Variants in PCDHA12 observed in about 807,000 individuals in gnomAD.
PCDHA12 encodes the protein protocadherin alpha 12.
In PCDHA12, 44 loss-of-function variants were observed where a neutral mutation model predicts 60.0. That is an observed-to-expected ratio of 0.73 (90% CI 0.58 to 0.94). PCDHA12 has a LOEUF of 0.94. PCDHA12 is among the 40% of genes least tolerant of loss of function. The pLI is 0.00. For missense variants in PCDHA12, 1,276 were observed against 1,239.7 expected (o/e 1.03, Z -0.44); for synonymous variants, 569 against 553.0 (o/e 1.03, Z -0.40).
intron 1 of PCDHA12, chr5:140,969,185 A>G (rs782632936): frequency 1.9e-6 from 3 of 1,613,974 alleles, no homozygotes; most frequent in South Asian, 1.1e-5. Context: ...TGACACTTTC[A>G]TGTTTTACAA....
At chr5:140,917,301 G>T (rs2078005324) in intron 1 of PCDHA12, among the ~76,000 whole-genome samples, 1 of 138,576 alleles carries the variant, frequency 7.2e-6, no homozygotes, top group Non-Finnish European at 1.5e-5. Flanking sequence ...GCAGATAGTT[G>T]TTACAATTTG....
intron 3 of PCDHA12, among the ~76,000 whole-genome samples, chr5:140,992,085 TAGAGAA>T (rs1253503619): frequency 1.4e-5 from 2 of 146,836 alleles, no homozygotes; most frequent in Non-Finnish European, 3.0e-5. Flanking sequence ...TGAGCTAGAG[TAGAGAA>T]AGAGAATTAA....
chr5:141,000,112 C>T (rs1404445521), intron 3 of PCDHA12, among the ~76,000 whole-genome samples: 1 of 152,128 alleles, frequency 6.6e-6, no homozygotes. Flanking sequence ...CGTCTCTTCC[C>T]TCATCCCCAA....
At chr5:140,907,534 T>G (rs2073435289) in intron 1 of PCDHA12, among the ~76,000 whole-genome samples, 1 of 152,204 alleles carries the variant, frequency 6.6e-6, no homozygotes, top group African/African-American at 2.4e-5. Flanking sequence ...CGCTGCCCTT[T>G]CTATGATGGA....
chr5:140,991,075 G>A (rs2097430816), intron 3 of PCDHA12, among the ~76,000 whole-genome samples: 1 of 152,134 alleles, frequency 6.6e-6, no homozygotes, highest in Non-Finnish European at 1.5e-5. Flanking sequence ...CCATGTTTCA[G>A]ATAAAAAAAT....
intron 1 of PCDHA12, chr5:140,966,397 G>C (rs782390663): frequency 4.5e-5 from 18 of 404,120 alleles, no homozygotes; most frequent in Admixed American, 2.2e-4. Flanking sequence ...CCGCCACTTC[G>C]GCGCGGAATC....
At chr5:140,883,455 A>T in intron 1 of PCDHA12, 1 of 1,614,128 alleles carries the variant, frequency 6.2e-7, no homozygotes, top group East Asian at 2.2e-5. Flanking sequence ...GTCCCCTTCA[A>T]GCTGGTGTCC....
chr5:140,971,192 A>G (rs1450514781), intron 1 of PCDHA12, among the ~76,000 whole-genome samples: 3 of 152,178 alleles, frequency 2.0e-5, no homozygotes, highest in Non-Finnish European at 4.4e-5. Context: ...GGAAGCTCAG[A>G]GGAAAGACAC....
At position 140,944,281 on chromosome 5, in the gene PCDHA12, G is replaced by A. The variant is rs987563636; in HGVS notation, c.2368-34668G>A. ...CTGCTCACTGCAGCCTTGACACCCC[G>A]GGCTCAAGCGATCCTCCTACCTCAG... On this transcript the variant is annotated intron_variant, in intron 1 of 3. Coordinates refer to ENST00000398631, the MANE Select transcript of PCDHA12 (RefSeq NM_018903.4). Among the ~76,000 whole-genome samples, 18 of 152,138 alleles carry A rather than the reference G, an allele frequency of 1.2e-4. No individual in the cohort carries two copies. The Middle Eastern group carries it at 0.014, about 115-fold the overall frequency.
intron 1 of PCDHA12, chr5:140,927,096 G>A (rs1554204014): frequency 1.2e-6 from 2 of 1,612,778 alleles, no homozygotes; most frequent in Admixed American, 1.7e-5. Context: ...ACTTCGGGGT[G>A]GATCTACCCA....
At chr5:140,973,354 T>A (rs937415600) in intron 1 of PCDHA12, among the ~76,000 whole-genome samples, 4 of 152,202 alleles carry the variant, frequency 2.6e-5, no homozygotes, top group Non-Finnish European at 5.9e-5. Flanking sequence ...AGTAGTGAAT[T>A]TATAAAAATT....
chr5:140,972,893 A>T (rs1452751778), intron 1 of PCDHA12, among the ~76,000 whole-genome samples: 1 of 151,858 alleles, frequency 6.6e-6, no homozygotes, highest in African/African-American at 2.4e-5. Context: ...CGATCTCTTG[A>T]CCTTGTGATC....
chr5:140,897,304 G>A (rs1297881439), intron 1 of PCDHA12, among the ~76,000 whole-genome samples: 1 of 150,768 alleles, frequency 6.6e-6, no homozygotes, highest in Non-Finnish European at 1.5e-5. Flanking sequence ...TTTAGCATTA[G>A]GTATATCTCC....
intron 3 of PCDHA12, among the ~76,000 whole-genome samples, chr5:140,996,539 A>G (rs1023035245): frequency 2.6e-5 from 4 of 152,170 alleles, no homozygotes; most frequent in South Asian, 4.1e-4. Flanking sequence ...GTGTTTTGAT[A>G]TTATGCTGTC....
At position 140,967,061 on chromosome 5, in the gene PCDHA12, C is replaced by G. The variant is rs1554229125; in HGVS notation, c.2368-11888C>G. The G allele has an allele frequency of 1.9e-6, 3 of 1,612,886 alleles. No individual in the cohort carries two copies. The Admixed American group carries it at 5.0e-5, about 27-fold the overall frequency. On this transcript the variant is annotated intron_variant, in intron 1 of 3. Coordinates refer to ENST00000398631, the MANE Select transcript of PCDHA12 (RefSeq NM_018903.4). ...GGAGCTGGACCTGACGAGTGGAGCG[C>G]TCTTCGTCAACGAGCGCATTGATCG...
intron 1 of PCDHA12, among the ~76,000 whole-genome samples, chr5:140,945,889 A>G (rs2093857848): frequency 6.6e-6 from 1 of 152,074 alleles, no homozygotes; most frequent in African/African-American, 2.4e-5. Flanking sequence ...CAAAGAAAAC[A>G]CAGTGGGAAA....
At chr5:140,974,496 T>C (rs1554236114) in intron 1 of PCDHA12, among the ~76,000 whole-genome samples, 1 of 152,198 alleles carries the variant, frequency 6.6e-6, no homozygotes, top group Non-Finnish European at 1.5e-5. Flanking sequence ...TCAAATGTAT[T>C]ACCTTTGTGT....
chr5:140,982,648 G>T, intron 3 of PCDHA12, 85 bp downstream of exon 3: 5 of 1,508,154 alleles, frequency 3.3e-6, no homozygotes, highest in Non-Finnish European at 4.4e-6. Flanking sequence ...GAATGTTGAT[G>T]GCTCTTTTTC....
At chr5:140,953,551 T>C (rs565115779) in intron 1 of PCDHA12, among the ~76,000 whole-genome samples, 1 of 152,240 alleles carries the variant, frequency 6.6e-6, no homozygotes, top group East Asian at 1.9e-4. Flanking sequence ...GATTCTTTTC[T>C]CCAAGTTTTA....
Sources: gnomAD v4.1 joint callset for allele counts (sites outside exome capture counted in the v4.1 genomes callset) on GRCh38, gnomAD v4.1.1 for gene constraint, MANE v1.5 for transcripts, NCBI Gene and HGNC (gene_info 2026-07-23, HGNC 2026-07-21) for gene names.